The following MYH8 variants were observed in gnomAD, a reference collection of about 807,000 sequenced individuals.
MYH8 encodes myosin-8.
Under a neutral mutation model 233.2 loss-of-function variants are expected in MYH8, and 168 were observed. The ratio of observed to expected loss-of-function variants is 0.72; its 90% CI spans 0.64 to 0.82. The LOEUF is 0.82. Ranked by LOEUF, MYH8 falls within the 40% of genes least tolerant of loss-of-function variation. The probability of loss-of-function intolerance (pLI) is 0.00; values close to 1 mark genes in which losing one functional copy is unlikely to be tolerated. For missense variants in MYH8, 1,995 were observed against 2,327.8 expected, an observed-to-expected ratio of 0.86 and a Z score of 2.94; for synonymous variants, 785 against 850.6, an observed-to-expected ratio of 0.92 and a Z score of 1.34.
At chr17:10,393,862 TGA>T (rs2072052567) in intron 35 of MYH8, among the ~76,000 whole-genome samples, 1 of 152,242 alleles carries the variant, frequency 6.6e-6, no homozygotes, top group African/African-American at 2.4e-5. Flanking sequence ...GTGCTACCAA[TGA>T]GAAACACTGC....
chr17:10,418,687 T>C lies in MYH8; in HGVS notation c.469A>G (p.Ile157Val), dbSNP rs895749851. 6.2e-7 allele frequency: 1 copy of C among 1,613,902 alleles called. No homozygotes were observed. Among genetic ancestry groups the C allele is most frequent in the African/African-American group, 1.3e-5 (1 of 75,038 alleles). Residue 157 changes from isoleucine (I) to valine (V), a missense_variant, in exon 5 of 40, where the codon ATC becomes GTC. This residue lies in a region of MYH8 where 479 missense variants were observed against 600.9 expected (regional missense o/e 0.80). Transcript: ENST00000403437. ...GKKRQEAPPH[I>V]FSISDNAYQF... ...TAGGCATTGTCAGAGATGGAGAAGA[T>C]GTGGGGCGGGGCCTCCTGGCGCTTT... is the stretch of plus-strand genomic sequence containing the variant.
intron 22 of MYH8, among the ~76,000 whole-genome samples, chr17:10,402,821 A>C (rs2072155814): frequency 6.6e-6 from 1 of 152,200 alleles, no homozygotes; most frequent in Non-Finnish European, 1.5e-5. Flanking sequence ...CCCCAGTGTA[A>C]CAAAAATGTT....
chr17:10,409,656 C>T, intron 15 of MYH8, 68 bp from the exon 16 acceptor site: 1 of 1,589,580 alleles, frequency 6.3e-7, no homozygotes, highest in Non-Finnish European at 8.6e-7. Context: ...TGGTGGCTGT[C>T]ATTTGATTGA....
At chr17:10,393,600 G>T (rs889299985) in intron 35 of MYH8, among the ~76,000 whole-genome samples, 1 of 152,154 alleles carries the variant, frequency 6.6e-6, no homozygotes, top group Non-Finnish European at 1.5e-5. Context: ...TATTCTCTCT[G>T]AATTTTTATG....
Position 10,414,373 on chromosome 17 carries a change from A to C in MYH8, c.904+13T>G, listed in dbSNP as rs2072271131. ...ATATTAACTTCTATCTATGACTTTA[A>C]GTTCTTTCTTACCAATTAGATCTGG... On this transcript the variant is annotated intron_variant, in intron 10 of 39. Transcript: ENST00000403437. 6.2e-7 allele frequency: 1 copy of C among 1,603,030 alleles called. No homozygotes were observed. Among genetic ancestry groups the C allele is most frequent in the Non-Finnish European group, 8.5e-7 (1 of 1,170,036 alleles).
chr17:10,406,942 G>A lies in MYH8; in HGVS notation c.2003C>T (p.Thr668Ile). ...GATACACCGTACGAAGTGAGGGTGT[G>A]TGCTCCTCAGATTCGTCATCAATTT... is the stretch of plus-strand genomic sequence containing the variant. ...LNKLMTNLRS[T>I]HPHFVRCIIP... The change falls in exon 18 of 40, where the codon ACA (threonine) becomes ATA (isoleucine). Residue 668 changes from threonine to isoleucine, a missense_variant. Thr to Ile is a moderately conservative substitution (Grantham distance 89). Coordinates refer to ENST00000403437, the MANE Select transcript of MYH8 (RefSeq NM_002472.3). 6.2e-7 allele frequency: 1 copy of A among 1,614,030 alleles called. No individual in the cohort carries two copies. Among genetic ancestry groups the A allele is most frequent in the South Asian group, 1.1e-5 (1 of 91,074 alleles).
At chr17:10,416,741 C>T (rs2072293285) in intron 5 of MYH8, among the ~76,000 whole-genome samples, 1 of 152,000 alleles carries the variant, frequency 6.6e-6, no homozygotes, top group South Asian at 2.1e-4. Flanking sequence ...TAATGAATCC[C>T]CATGTGCCCA....
At position 10,415,483 on chromosome 17, in the gene MYH8, C is replaced by T. The variant is rs2072281976; in HGVS notation, c.637G>A (p.Gly213Ser). The change falls in exon 7 of 40, where the codon GGC becomes AGC. Residue 213 changes from glycine (G) to serine (S), a missense_variant. By Grantham distance (56) the Gly-to-Ser change is moderately conservative (BLOSUM62 0). Transcript: ENST00000403437. The surrounding 1 kb of genome is among the most constrained non-coding windows in gnomAD (Gnocchi z 4.1). Reference protein sequence around the residue: ...VTGEKKKDESGKMQGTLEDQI... With the variant: ...VTGEKKKDESSKMQGTLEDQI... ...GCTATCAGACCTACCTGCATTTTGC[C>T]AGATTCATCCTTCTTCTTCTCTCCA... The T allele has an allele frequency of 4.3e-6, 7 of 1,614,188 alleles. No homozygotes were observed. The highest frequency in any genetic ancestry group is 5.9e-6 in the Non-Finnish European group (7 of 1,180,010).
At chr17:10,409,983 A>G (rs2072230277) in intron 15 of MYH8, among the ~76,000 whole-genome samples, 1 of 152,200 alleles carries the variant, frequency 6.6e-6, no homozygotes, top group Non-Finnish European at 1.5e-5. Flanking sequence ...ATTTTATTCA[A>G]GATATTTTGG....
In MYH8 at chr17:10,396,806, G is replaced by T; in HGVS notation, c.4359C>A (p.Asp1453Glu). 2 of 1,614,184 alleles carry T rather than the reference G, an allele frequency of 1.2e-6. No individual in the cohort carries two copies. The highest frequency in any genetic ancestry group is 3.3e-5 in the Admixed American group (2 of 60,024). The part of the protein sequence containing the change: ...AALDKKQRNF[D>E]KVLSEWKQKY... ...AAGTTTAAGCAGTCTGGGCCACCTT[G>T]TCAAAGTTCCTTTGCTTCTTATCAA... The change falls in exon 31 of 40, where the codon GAC becomes GAA. Residue 1453 changes from aspartate (D) to glutamate (E), a missense_variant. By Grantham distance (45) the Asp-to-Glu change is conservative. Around this residue, in one of 3 missense-constraint regions of MYH8, gnomAD observed 1,498 missense variants for 1,680.9 expected, o/e 0.89. Coordinates refer to ENST00000403437, the MANE Select transcript of MYH8 (RefSeq NM_002472.3). This position sits in a 1 kb window ranked among gnomAD's most constrained non-coding sequence, Gnocchi z 4.2.
rs2072319332 is a variant in MYH8 at position 10,419,661 on chromosome 17, TC to T, written c.210+356del. ...TTTTTCTTTCATTCATTAAGAAACT[TC>T]ATGTTTTTGGAAGTAATGGGGATAT... On this transcript the variant is annotated intron_variant, in intron 3 of 39. Transcript: ENST00000403437. The surrounding 1 kb of genome is among the most constrained non-coding windows in gnomAD (Gnocchi z 4.0). 6.6e-6 allele frequency among the ~76,000 whole-genome samples: 1 copy of T among 152,172 alleles called. No homozygotes were observed. Among genetic ancestry groups the T allele is most frequent in the African/African-American group, 2.4e-5 (1 of 41,442 alleles).
intron 33 of MYH8, 58 bp from the exon 34 acceptor site, chr17:10,395,499 TC>T: frequency 6.4e-7 from 1 of 1,567,468 alleles, no homozygotes; most frequent in Non-Finnish European, 8.8e-7. Flanking sequence ...TGGAGTATAT[TC>T]CCTCGTGAGC....
Position 10,392,983 on chromosome 17 carries a change from C to G in MYH8, c.5311G>C (p.Glu1771Gln), listed in dbSNP as rs199803469. The change falls in exon 37 of 40, where the codon GAG becomes CAG. Residue 1771 changes from glutamate to glutamine, a missense_variant. Physicochemically the swap from Glu to Gln is conservative, Grantham distance 29. This residue lies in a region of MYH8 where 1,498 missense variants were observed against 1,680.9 expected (regional missense o/e 0.89). Transcript: ENST00000403437. ...AITDAAMMAE[E>Q]LKKEQDTSAH... ...CTGGTGTCCTGTTCCTTCTTCAGCT[C>G]CTCAGCCATCATGGCAGCCTATTTA... The G allele has an allele frequency of 5.6e-6, 9 of 1,614,202 alleles. No homozygotes were observed. Among genetic ancestry groups the G allele is most frequent in the Non-Finnish European group, 6.8e-6 (8 of 1,180,046 alleles).
At chr17:10,407,314 A>C (rs1452007639) in intron 17 of MYH8, among the ~76,000 whole-genome samples, 1 of 152,204 alleles carries the variant, frequency 6.6e-6, no homozygotes, top group African/African-American at 2.4e-5. Flanking sequence ...TATGCCACTA[A>C]TGAACTGCCT....
Position 10,415,454 on chromosome 17 carries a change from T to C in MYH8, c.648+18A>G, listed in dbSNP as rs1289888147. The C allele has an allele frequency of 3.1e-6, 5 of 1,613,746 alleles. No individual in the cohort carries two copies. In the Admixed American group the frequency reaches 8.3e-5, roughly 27 times the overall value. On this transcript the variant is annotated intron_variant, in intron 7 of 39. Coordinates refer to ENST00000403437, the MANE Select transcript of MYH8 (RefSeq NM_002472.3). The surrounding 1 kb of genome is among the most constrained non-coding windows in gnomAD (Gnocchi z 4.1). ...TGAGAGCCTTGACAGAGGTTTTGAC[T>C]CTGGCTATCAGACCTACCTGCATTT...
intron 22 of MYH8, among the ~76,000 whole-genome samples, chr17:10,403,574 G>C (rs919919026): frequency 1.3e-5 from 2 of 152,198 alleles, no homozygotes; most frequent in Non-Finnish European, 1.5e-5. Flanking sequence ...GTAAGATAGA[G>C]AGGCTATGGT....
chr17:10,393,097 C>T lies in MYH8; in HGVS notation c.5280G>A (p.Lys1760=). 6.2e-7 allele frequency: 1 copy of T among 1,614,192 alleles called. No individual in the cohort carries two copies. The highest frequency in any genetic ancestry group is 8.5e-7 in the Non-Finnish European group (1 of 1,180,036). ...ESRNAEEKAK[K]AITDAAMMAE... ...ATGTTCATCTTACATCAGTGATGGC[C>T]TTCTTGGCTTTCTCTTCTGCATTGC... The change falls in exon 36 of 40, where the codon AAG becomes AAA. Residue 1760 remains lysine, a synonymous_variant. Transcript: ENST00000403437.
intron 11 of MYH8, 40 bp downstream of exon 11, chr17:10,414,152 C>CAT: frequency 6.2e-7 from 1 of 1,608,778 alleles, no homozygotes. Context: ...TTGTCATTTC[C>CAT]ATACATAATG....
At position 10,412,475 on chromosome 17, in the gene MYH8, C is replaced by A. The variant is rs1324351336; in HGVS notation, c.1311G>T (p.Lys437Asn). 6.2e-7 allele frequency: 1 copy of A among 1,614,248 alleles called. No individual in the cohort carries two copies. Residue 437 changes from lysine to asparagine, a missense_variant, in exon 14 of 40, where the codon AAG becomes AAT. Coordinates refer to ENST00000403437, the MANE Select transcript of MYH8 (RefSeq NM_002472.3). Reference sequence around the variant, plus strand: ...TGCGGGTGACCATCCACAGGAACATCTTCTCGTAGACGGCTTTGGCCAGAG... The same window carrying A: ...TGCGGGTGACCATCCACAGGAACATATTCTCGTAGACGGCTTTGGCCAGAG... ...VGALAKAVYE[K>N]MFLWMVTRIN...
Sources: gnomAD v4.1 joint callset for allele counts (sites outside exome capture counted in the v4.1 genomes callset) on GRCh38, gnomAD v4.1.1 for gene constraint, gnomAD v4.1.1 regional missense constraint, Gnocchi (gnomAD v3.1) non-coding constraint, MANE v1.5 for transcripts, NCBI Gene and HGNC (gene_info 2026-07-23, HGNC 2026-07-21) for gene names.